The following ARHGAP42 variants were observed in gnomAD, a reference collection of about 807,000 sequenced individuals.
The protein encoded by ARHGAP42 is rho GTPase-activating protein 42.
Under a neutral mutation model 125.0 loss-of-function variants are expected in ARHGAP42, and 63 were observed. That is an observed-to-expected ratio of 0.50 (90% confidence interval 0.41 to 0.62). ARHGAP42 has a LOEUF of 0.62. Ranked by LOEUF, ARHGAP42 falls within the 20% of genes least tolerant of loss-of-function variation. The probability of loss-of-function intolerance (pLI) is 0.00; values close to 1 mark genes in which losing one functional copy is unlikely to be tolerated. For synonymous variants in ARHGAP42, 339 were observed against 351.0 expected, an observed-to-expected ratio of 0.97 and a Z score of 0.38; for missense variants, 766 against 1,024.2, an observed-to-expected ratio of 0.75 and a Z score of 3.44.
At chr11:100,977,512 G>A (rs1858423668) in intron 21 of ARHGAP42, among the ~76,000 whole-genome samples, 1 of 152,136 alleles carries the variant, frequency 6.6e-6, no homozygotes, top group African/African-American at 2.4e-5. Context: ...TGTAAAGGCT[G>A]GTAGGAGAAG....
chr11:100,860,808 T>C (rs1042524510), intron 4 of ARHGAP42, among the ~76,000 whole-genome samples: 7 of 152,302 alleles, frequency 4.6e-5, no homozygotes, highest in African/African-American at 1.7e-4. Context: ...ATTAGAATTT[T>C]ATGTGCATTT....
At chr11:100,775,167 A>G (rs1004631042) in intron 2 of ARHGAP42, among the ~76,000 whole-genome samples, 4 of 152,086 alleles carry the variant, frequency 2.6e-5, no homozygotes, top group East Asian at 1.9e-4. Flanking sequence ...GAAGTGGCCT[A>G]TTGAGTCCAT....
At chr11:100,849,436 T>C (rs1865151802) in intron 3 of ARHGAP42, among the ~76,000 whole-genome samples, 1 of 152,206 alleles carries the variant, frequency 6.6e-6, no homozygotes, top group African/African-American at 2.4e-5. Flanking sequence ...GAGCCTGTGC[T>C]CAAACGCCTG....
At chr11:100,822,339 C>T (rs868388470) in intron 3 of ARHGAP42, among the ~76,000 whole-genome samples, 6 of 151,926 alleles carry the variant, frequency 3.9e-5, no homozygotes, top group South Asian at 2.1e-4. Flanking sequence ...TCATTAGTGT[C>T]CAAATGAGTT....
At chr11:100,803,882 C>T (rs1303195332) in intron 3 of ARHGAP42, among the ~76,000 whole-genome samples, 2 of 152,134 alleles carry the variant, frequency 1.3e-5, no homozygotes, top group Non-Finnish European at 2.9e-5. Context: ...TACCAGTGAA[C>T]TTATTTCTTT....
At chr11:100,702,536 G>A (rs531662060) in intron 1 of ARHGAP42, among the ~76,000 whole-genome samples, 5 of 150,172 alleles carry the variant, frequency 3.3e-5, no homozygotes, top group African/African-American at 9.8e-5. Flanking sequence ...AGACTTGCCC[G>A]ATGCAGTGTT....
intron 17 of ARHGAP42, among the ~76,000 whole-genome samples, chr11:100,970,327 ATT>A (rs1858206137): frequency 6.6e-6 from 1 of 152,016 alleles, no homozygotes; most frequent in Non-Finnish European, 1.5e-5. Context: ...AATGAAGTCT[ATT>A]TCCCCCTCTG....
chr11:100,913,606 A>G (rs887061851), intron 5 of ARHGAP42, 53 bp downstream of exon 5: 1 of 980,028 alleles, frequency 1.0e-6, no homozygotes, highest in African/African-American at 1.7e-5. Flanking sequence ...TATAAAGTCA[A>G]AATTTCCAAA....
intron 1 of ARHGAP42, among the ~76,000 whole-genome samples, chr11:100,727,824 C>T (rs1217619092): frequency 1.3e-5 from 2 of 152,164 alleles, no homozygotes; most frequent in East Asian, 3.9e-4. Context: ...GTGATACACT[C>T]CAGCAAATTA....
chr11:100,959,763 T>TG, intron 12 of ARHGAP42, 120 bp from the exon 13 acceptor site: 1 of 884,210 alleles, frequency 1.1e-6, no homozygotes, highest in Non-Finnish European at 1.8e-6. Flanking sequence ...CCAAAATATT[T>TG]GGAAGACTCA....
intron 1 of ARHGAP42, among the ~76,000 whole-genome samples, chr11:100,735,602 C>CTTTTTTTTTTTTTTT (rs58522622): frequency 1.4e-5 from 1 of 73,044 alleles, no homozygotes; most frequent in South Asian, 5.2e-4. Context: ...TTTACTTGTA[C>CTTTTTTTTTTTTTTT]TTTTTTTTTT....
At chr11:100,696,055 C>G (rs181729943) in intron 1 of ARHGAP42, among the ~76,000 whole-genome samples, 4 of 152,228 alleles carry the variant, frequency 2.6e-5, no homozygotes, top group African/African-American at 9.6e-5. Context: ...GAAACCCCAT[C>G]TCTACAAAGT....
intron 3 of ARHGAP42, among the ~76,000 whole-genome samples, chr11:100,845,335 T>C (rs942902705): frequency 2.0e-5 from 3 of 151,884 alleles, no homozygotes; most frequent in South Asian, 4.1e-4. Flanking sequence ...ACAATGGACT[T>C]TGGGGACTCA....
At chr11:100,700,878 A>G (rs1287872131) in intron 1 of ARHGAP42, among the ~76,000 whole-genome samples, 3 of 152,254 alleles carry the variant, frequency 2.0e-5, no homozygotes, top group African/African-American at 7.2e-5. Context: ...AATGATATTT[A>G]GAATGGTGAA....
At chr11:100,869,550 T>C (rs1000561277) in intron 4 of ARHGAP42, among the ~76,000 whole-genome samples, 2 of 152,168 alleles carry the variant, frequency 1.3e-5, no homozygotes, top group Non-Finnish European at 2.9e-5. Flanking sequence ...TAGTTATCTC[T>C]GCATTCCATG....
rs191585811 is a variant in ARHGAP42 at position 100,992,746 on chromosome 11, T to G, written c.*3945T>G. The G allele has an allele frequency of 5.7e-4, 868 of 1,513,964 alleles. No individual in the cohort carries two copies. Among genetic ancestry groups the G allele is most frequent in the Non-Finnish European group, 7.2e-4 (809 of 1,129,656 alleles). 93.8% of individuals were successfully genotyped at this position (1,513,964 alleles called of 1,614,324 possible). A position where few individuals can be genotyped will look rare whatever the true frequency, so the allele number is the denominator to read the frequency against. ...TCAATAAATTGGATTTTTTATTTTT[T>G]GAGGGCAGCTGCCCTCACTGTTTTA... On this transcript the variant is annotated 3_prime_UTR_variant, in exon 24 of 24. Transcript: ENST00000298815.
At chr11:100,905,429 TAC>T (rs998201256) in intron 4 of ARHGAP42, among the ~76,000 whole-genome samples, 1 of 152,194 alleles carries the variant, frequency 6.6e-6, no homozygotes, top group African/African-American at 2.4e-5. Flanking sequence ...TTAGCATCCT[TAC>T]AGTAGCACAA....
At chr11:100,695,676 T>A (rs1359945867) in intron 1 of ARHGAP42, among the ~76,000 whole-genome samples, 1 of 152,222 alleles carries the variant, frequency 6.6e-6, no homozygotes, top group Non-Finnish European at 1.5e-5. Flanking sequence ...GTATTCTGAT[T>A]CTTTTATCAA....
intron 3 of ARHGAP42, among the ~76,000 whole-genome samples, chr11:100,832,874 G>A (rs964601848): frequency 2.6e-5 from 4 of 152,166 alleles, no homozygotes; most frequent in African/African-American, 4.8e-5. Context: ...CCAAGTAATT[G>A]GCTCTGAAAT....
Sources: allele counts gnomAD v4.1 joint callset (sites outside exome capture counted in the v4.1 genomes callset), GRCh38; gene constraint gnomAD v4.1.1; transcripts MANE v1.5; gene names NCBI Gene and HGNC (gene_info 2026-07-23, HGNC 2026-07-21).